Variants in LTN1 observed in about 807,000 individuals in gnomAD.
LTN1 encodes the protein listerin E3 ubiquitin protein ligase 1.
In LTN1, 88 loss-of-function variants were observed where a neutral mutation model predicts 201.2. The ratio of observed to expected loss-of-function variants is 0.44; its 90% CI spans 0.37 to 0.52. The LOEUF (loss-of-function observed/expected upper bound fraction) is 0.52, where lower values mean the gene tolerates loss of function less well. LTN1 is among the 20% of genes least tolerant of loss of function. LTN1 has a pLI of 0.00. For synonymous variants in LTN1, 645 were observed against 713.5 expected, an observed-to-expected ratio of 0.90 and a Z score of 1.53; for missense variants, 1,752 against 2,038.7, an observed-to-expected ratio of 0.86 and a Z score of 2.71.
intron 27 of LTN1, among the ~76,000 whole-genome samples, chr21:28,933,333 C>T (rs918218095): frequency 1.3e-5 from 2 of 152,172 alleles, no homozygotes; most frequent in Non-Finnish European, 2.9e-5. Flanking sequence ...GTCCTTTGCT[C>T]ATGTCTACCC....
At chr21:28,948,274 T>TC (rs2084356792) in intron 18 of LTN1, among the ~76,000 whole-genome samples, 1 of 147,812 alleles carries the variant, frequency 6.8e-6, no homozygotes, top group African/African-American at 2.5e-5. Context: ...TTCTTTCTTT[T>TC]TTTTTTTTTT....
chr21:28,955,854 CA>C (rs1471435409), intron 16 of LTN1, among the ~76,000 whole-genome samples: 1 of 138,198 alleles, frequency 7.2e-6, no homozygotes, highest in East Asian at 2.1e-4. Flanking sequence ...ACCTGGGAAG[CA>C]GAGGTTGTGG....
chr21:28,931,047 C>T (rs985845928), intron 29 of LTN1, 108 bp downstream of exon 29: 10 of 666,782 alleles, frequency 1.5e-5, no homozygotes, highest in African/African-American at 9.6e-5. Context: ...TTTTCTCTTC[C>T]GAAGTTAGAC....
In LTN1 at chr21:28,966,714, A is replaced by G. The variant is rs2084527363; in HGVS notation, c.1777T>C (p.Leu593=). The G allele has an allele frequency of 1.9e-6, 3 of 1,614,080 alleles. No individual in the cohort carries two copies. Among genetic ancestry groups the G allele is most frequent in the Middle Eastern group, 3.3e-4 (2 of 6,062 alleles). ...SPLRKKPLED[L]VCKLADISIN... is the part of the protein sequence containing the mutation. ...CTTATATCTGCGAGTTTACAGACTA[A>G]GTCTTCCAAAGGTTTTTTCCTTAGA... is the stretch of plus-strand genomic sequence containing the variant. The change falls in exon 10 of 30, where the codon TTA becomes CTA. Residue 593 remains leucine (L), a synonymous_variant. Transcript: ENST00000361371.
intron 9 of LTN1, chr21:28,967,855 A>T (rs942351977): frequency 5.3e-5 from 8 of 152,114 alleles, no homozygotes; most frequent in African/African-American, 1.9e-4. Context: ...CACTATCTCC[A>T]GGTAGATAGT....
In LTN1 at chr21:28,930,245, G is replaced by T. The variant is rs1445505348; in HGVS notation, c.*203C>A. 3 of 401,670 alleles carry T rather than the reference G, an allele frequency of 7.5e-6. No individual in the cohort carries two copies. The highest frequency in any genetic ancestry group is 3.7e-5 in the East Asian group (1 of 26,788). The allele number at this position is 401,670 out of a possible 1,614,324, so 24.9% of individuals were successfully genotyped here. On this transcript the variant is annotated 3_prime_UTR_variant, in exon 30 of 30. Coordinates refer to ENST00000361371, the MANE Select transcript of LTN1 (RefSeq NM_015565.3). ...AAATATGTAATATTCTTTTGTAAAA[G>T]AAAGTTTCCAAACATTTACAAAGCA...
Position 28,981,116 on chromosome 21 carries a change from T to C in LTN1, c.810+3A>G. On this transcript the variant is annotated splice_donor_region_variant and intron_variant, in intron 6 of 29. Coordinates refer to ENST00000361371, the MANE Select transcript of LTN1 (RefSeq NM_015565.3). ...TGTCTTAAGATAAAAAAGATTAATA[T>C]ACCTGAGGTACACTGTGTTTTCCAT... The C allele has an allele frequency of 6.6e-7, 1 of 1,505,076 alleles. No homozygotes were observed. The highest frequency in any genetic ancestry group is 8.9e-7 in the Non-Finnish European group (1 of 1,125,938). The allele number at this position is 1,505,076 out of a possible 1,614,324, so 93.2% of individuals were successfully genotyped here.
At chr21:28,983,620 T>C (rs1005309890) in intron 4 of LTN1, among the ~76,000 whole-genome samples, 2 of 152,128 alleles carry the variant, frequency 1.3e-5, no homozygotes, top group Non-Finnish European at 2.9e-5. Context: ...CAGAGCCTTG[T>C]ATGTCAAGAC....
Position 28,969,550 on chromosome 21 carries a change from T to C in LTN1, c.1227A>G (p.Ile409Met). 6.2e-7 allele frequency: 1 copy of C among 1,612,476 alleles called. No individual in the cohort carries two copies. The highest frequency in any genetic ancestry group is 8.5e-7 in the Non-Finnish European group (1 of 1,178,960). The change falls in exon 9 of 30, where the codon ATA becomes ATG. Residue 409 changes from isoleucine to methionine, a missense_variant. Transcript: ENST00000361371. ...KTSSLESSAV[I>M]SAFFECLRFI... The stretch of plus-strand genomic sequence containing the variant: ...AACGTAAGCATTCAAAAAAAGCAGA[T>C]ATTACTGCCGAGGACTCTAAAGAGC...
chr21:28,966,889 T>G lies in LTN1; in HGVS notation c.1602A>C (p.Lys534Asn). 1 of 1,612,946 alleles carries G rather than the reference T, an allele frequency of 6.2e-7. No homozygotes were observed. Among genetic ancestry groups the G allele is most frequent in the Non-Finnish European group, 8.5e-7 (1 of 1,179,718 alleles). Residue 534 changes from lysine to asparagine, a missense_variant, in exon 10 of 30, where the codon AAA (lysine) becomes AAC (asparagine). By Grantham distance (94) the Lys-to-Asn change is moderately conservative. Around this residue, in one of 3 missense-constraint regions of LTN1, gnomAD observed 1,211 missense variants for 1,312.8 expected, o/e 0.92. Transcript: ENST00000361371. ...CAGCAAATCTAACCTTACCATTTTT[T>G]TTTTTACTTGACTTCAATGAGCTCT... is the stretch of plus-strand genomic sequence containing the variant. ...KPKSSLKSSKKKNGKVRFADE... is the reference protein window; with the variant it reads ...KPKSSLKSSKNKNGKVRFADE...
At chr21:28,988,875 G>C (rs1004868650) in intron 1 of LTN1, among the ~76,000 whole-genome samples, 1 of 151,642 alleles carries the variant, frequency 6.6e-6, no homozygotes, top group East Asian at 1.9e-4. Flanking sequence ...TGAGGCAGGA[G>C]AATTGCTTGA....
intron 15 of LTN1, 121 bp downstream of exon 15, chr21:28,957,211 C>T: frequency 9.9e-7 from 1 of 1,006,354 alleles, no homozygotes; most frequent in South Asian, 1.8e-5. Flanking sequence ...CATACAAAGA[C>T]ATCAAAGCAA....
chr21:28,960,589 C>T lies in LTN1; in HGVS notation c.2281G>A (p.Val761Ile), dbSNP rs34635840. The change falls in exon 12 of 30, where the codon GTA becomes ATA. Residue 761 changes from valine (V) to isoleucine (I), a missense_variant. Transcript: ENST00000361371. The stretch of plus-strand genomic sequence containing the variant: ...TCTGAGAAGTGAGATTCTGAAGATA[C>T]CCTGGATTCCAAGTCCTCATTACAA... ...CLCNEDLESRVSSESHFSERW... is the reference protein window; with the variant it reads ...CLCNEDLESRISSESHFSERW... 0.094 allele frequency: 152,190 copies of T among 1,613,004 alleles called. 8,127 individuals carry two copies. The highest frequency in any genetic ancestry group is 0.11 in the Non-Finnish European group (128,841 of 1,179,096).
intron 6 of LTN1, among the ~76,000 whole-genome samples, chr21:28,974,001 A>C (rs549159156): frequency 9.2e-5 from 14 of 152,290 alleles, no homozygotes; most frequent in African/African-American, 9.6e-5. Flanking sequence ...TGCAAAAAAA[A>C]CCTCTAAATC....
At chr21:28,955,124 T>C (rs1049336370) in intron 16 of LTN1, among the ~76,000 whole-genome samples, 7 of 151,982 alleles carry the variant, frequency 4.6e-5, no homozygotes, top group Admixed American at 2.6e-4. Flanking sequence ...ATATTAGTAA[T>C]CATCAGGGAA....
rs143252646 is a variant in LTN1 at position 28,969,559 on chromosome 21, C to T, written c.1218G>A (p.Ser406=). 145 of 1,611,564 alleles carry T rather than the reference C, an allele frequency of 9.0e-5. 1 individual carries two copies. The highest frequency in any genetic ancestry group is 8.0e-4 in the Admixed American group (48 of 59,744). ...ERTKTSSLES[S]AVISAFFECL... is the part of the protein sequence containing the mutation. ...ATTCAAAAAAAGCAGATATTACTGC[C>T]GAGGACTCTAAAGAGCTGGTTTTAG... is the stretch of plus-strand genomic sequence containing the variant. The change falls in exon 9 of 30, where the codon TCG becomes TCA. Residue 406 remains serine, a synonymous_variant. Coordinates refer to ENST00000361371, the MANE Select transcript of LTN1 (RefSeq NM_015565.3).
intron 18 of LTN1, 119 bp from the exon 19 acceptor site, chr21:28,947,725 C>A: frequency 1.7e-6 from 1 of 585,816 alleles, no homozygotes; most frequent in Non-Finnish European, 2.7e-6. Context: ...CATATAATTA[C>A]ATAAAAAGAA....
Position 28,944,577 on chromosome 21 carries a change from G to A in LTN1, c.3788C>T (p.Ala1263Val). 1 of 1,612,846 alleles carries A rather than the reference G, an allele frequency of 6.2e-7. No individual in the cohort carries two copies. The highest frequency in any genetic ancestry group is 8.5e-7 in the Non-Finnish European group (1 of 1,179,162). Reference protein sequence around the residue: ...AWLETTSENQALYSIPLVQLF... With the variant: ...AWLETTSENQVLYSIPLVQLF... ...TTGCACAAGTGGAATAGAATACAAT[G>A]CCTGATTCTCACTTGTTGTCTGAAA... The change falls in exon 22 of 30, where the codon GCA (alanine) becomes GTA (valine). Residue 1263 changes from alanine to valine, a missense_variant. Physicochemically the swap from Ala to Val is moderately conservative, Grantham distance 64. Coordinates refer to ENST00000361371, the MANE Select transcript of LTN1 (RefSeq NM_015565.3).
intron 1 of LTN1, among the ~76,000 whole-genome samples, chr21:28,987,849 A>G (rs1036063831): frequency 6.6e-6 from 1 of 152,208 alleles, no homozygotes; most frequent in African/African-American, 2.4e-5. Flanking sequence ...GTGTGATTCA[A>G]ATTGCTCATA....
Sources: allele counts gnomAD v4.1 joint callset (sites outside exome capture counted in the v4.1 genomes callset), GRCh38; gene constraint gnomAD v4.1.1; regional missense constraint gnomAD v4.1.1; transcripts MANE v1.5; gene names NCBI Gene and HGNC (gene_info 2026-07-23, HGNC 2026-07-21).